Variants in NHLH2 observed in about 807,000 individuals in gnomAD.
The protein encoded by NHLH2 is nescient helix-loop-helix 2.
A neutral mutation model predicts 7.3 loss-of-function variants in NHLH2; 7 were observed. That is an observed-to-expected ratio of 0.96 (90% CI 0.55 to 1.81). NHLH2 has a LOEUF of 1.81. NHLH2 is among the 40% of genes most tolerant of loss of function. The pLI, the probability that NHLH2 is intolerant of heterozygous loss-of-function variation, is 0.00. For synonymous variants in NHLH2, 93 were observed against 91.6 expected (o/e 1.01, Z -0.09); for missense variants, 155 against 194.0 (o/e 0.80, Z 1.19).
chr1:115,833,103 G>A (rs1650789618), downstream of NHLH2, among the ~76,000 whole-genome samples: 1 of 152,162 alleles, frequency 6.6e-6, no homozygotes, highest in African/African-American at 2.4e-5. Flanking sequence ...CACGAAGGAG[G>A]ATGGCACGCT....
chr1:115,833,490 T>G (rs1570904167), downstream of NHLH2, among the ~76,000 whole-genome samples: 3 of 149,524 alleles, frequency 2.0e-5, no homozygotes, highest in Admixed American at 6.8e-5. Flanking sequence ...AGGGGGGTGG[T>G]GTGTGAGTGG....
chr1:115,840,742 G>GTTTTTTT, intron 1 of NHLH2, 198 bp from the exon 2 acceptor site: 1 of 44,628 alleles, frequency 2.2e-5, no homozygotes, highest in African/African-American at 6.3e-5. Flanking sequence ...GCTCAGAAGT[G>GTTTTTTT]ATTTTTTTTT....
chr1:115,838,898 G>C (rs568582573), intron 2 of NHLH2: 6 of 169,066 alleles, frequency 3.5e-5, no homozygotes, highest in Admixed American at 3.3e-4. Flanking sequence ...GCGCCCGAGG[G>C]CCTGGCGCTG....
At chr1:115,833,915 T>C (rs1650808643), downstream of NHLH2, among the ~76,000 whole-genome samples, 1 of 152,168 alleles carries the variant, frequency 6.6e-6, no homozygotes. Context: ...GAGAGTTGGA[T>C]AAATCACAGC....
chr1:115,836,578 C>G lies in NHLH2; in HGVS notation c.*1387G>C, dbSNP rs1650876714. 1 of 152,552 alleles carries G rather than the reference C, an allele frequency of 6.6e-6. No individual in the cohort carries two copies. The highest frequency in any genetic ancestry group is 2.1e-4 in the South Asian group (1 of 4,832). 9.4% of individuals were successfully genotyped at this position (152,552 alleles called of 1,614,324 possible). On this transcript the variant is annotated 3_prime_UTR_variant, in exon 3 of 3. Transcript: ENST00000320238. ...TTTTTTCCCTTGTCTCTAAAATACA[C>G]TCCTTGTTTTAAGAGTTTCACAGCA... is the stretch of plus-strand genomic sequence containing the variant.
chr1:115,832,209 G>A (rs1028304690), downstream of NHLH2, among the ~76,000 whole-genome samples: 8 of 152,172 alleles, frequency 5.3e-5, no homozygotes, highest in African/African-American at 1.7e-4. Flanking sequence ...TGAGTCGAGT[G>A]GGGCTTTCAG....
At chr1:115,833,756 C>T (rs35061927), downstream of NHLH2, among the ~76,000 whole-genome samples, 15,790 of 152,204 alleles carry the variant, frequency 0.1, 1,013 homozygotes, top group Admixed American at 0.21. Context: ...GCTATTATTT[C>T]GACTACTAAT....
At chr1:115,831,686 A>G (rs902538033), downstream of NHLH2, among the ~76,000 whole-genome samples, 5 of 149,832 alleles carry the variant, frequency 3.3e-5, no homozygotes, top group African/African-American at 1.2e-4. Context: ...TGAAAGGCCT[A>G]GGGGGGGGCG....
At chr1:115,832,315 T>G (rs765613436), downstream of NHLH2, among the ~76,000 whole-genome samples, 19 of 152,208 alleles carry the variant, frequency 1.2e-4, no homozygotes. Flanking sequence ...GGGGATGATT[T>G]CTGGCTGACT....
At chr1:115,838,503 G>C (rs1650951106) in intron 2 of NHLH2, 123 bp from the exon 3 acceptor site, 1 of 1,106,048 alleles carries the variant, frequency 9.0e-7, no homozygotes, top group African/African-American at 1.7e-5. Context: ...CCTCCCCACA[G>C]CAGGCCGGCG....
downstream of NHLH2, among the ~76,000 whole-genome samples, chr1:115,831,879 G>A (rs961796202): frequency 6.7e-6 from 1 of 149,484 alleles, no homozygotes; most frequent in African/African-American, 2.5e-5. Context: ...CCAAGATTGC[G>A]CCACTGCACC....
chr1:115,832,425 G>A (rs1650774945), downstream of NHLH2, among the ~76,000 whole-genome samples: 2 of 152,296 alleles, frequency 1.3e-5, no homozygotes, highest in East Asian at 1.9e-4. Context: ...CTTATCCTAT[G>A]TTAATTCCTG....
intron 2 of NHLH2, 127 bp from the exon 3 acceptor site, chr1:115,838,507 G>A: frequency 9.2e-7 from 1 of 1,082,050 alleles, no homozygotes; most frequent in South Asian, 1.5e-5. Context: ...CCCACAGCAG[G>A]CCGGCGCGCG....
chr1:115,838,274 GC>G lies in NHLH2; in HGVS notation c.98del (p.Gly33AlafsTer31). 6.2e-7 allele frequency: 1 copy of G among 1,603,250 alleles called. No homozygotes were observed. Among genetic ancestry groups the G allele is most frequent in the African/African-American group, 1.3e-5 (1 of 74,664 alleles). On this transcript the variant is annotated frameshift_variant, in exon 3 of 3. Transcript: ENST00000320238. LOFTEE classifies it high-confidence loss of function. Reference protein sequence around the residue: ...SLGGTDTKVLGSVSDLEPVEE... With the variant: ...SLGGTDTKVLXSVSDLEPVEE... ...CCACCGGCTCCAGGTCCGACACGCT[GC>G]CGAGCACCTTGGTGTCCGTGCCGCC...
downstream of NHLH2, among the ~76,000 whole-genome samples, chr1:115,835,989 T>C (rs1174050346): frequency 6.6e-6 from 1 of 152,212 alleles, no homozygotes; most frequent in Non-Finnish European, 1.5e-5. Flanking sequence ...TTCTTCTCAC[T>C]GCCATTAAAT....
At position 115,837,079 on chromosome 1, in the gene NHLH2, T is replaced by G. The variant is rs1000886481; in HGVS notation, c.*886A>C. ...ATAAATTGGCACAGAGTATCCAAAGTAAAAGTATCACCACTCTGAAAAATA... is the reference window on the plus strand; with the variant it reads ...ATAAATTGGCACAGAGTATCCAAAGGAAAAGTATCACCACTCTGAAAAATA... On this transcript the variant is annotated 3_prime_UTR_variant, in exon 3 of 3. Coordinates refer to ENST00000320238, the MANE Select transcript of NHLH2 (RefSeq NM_005599.3). 6.6e-6 allele frequency: 1 copy of G among 152,378 alleles called. No individual in the cohort carries two copies. Among genetic ancestry groups the G allele is most frequent in the Non-Finnish European group, 1.5e-5 (1 of 68,012 alleles). The allele number at this position is 152,378 out of a possible 1,614,324, so 9.4% of individuals were successfully genotyped here.
chr1:115,836,224 A>G (rs1650868460), downstream of NHLH2, among the ~76,000 whole-genome samples: 1 of 152,170 alleles, frequency 6.6e-6, no homozygotes, highest in East Asian at 1.9e-4. Context: ...TCCAAATTTG[A>G]GCATCAAATA....
At chr1:115,835,800 G>GT (rs1000535764), downstream of NHLH2, among the ~76,000 whole-genome samples, 108 of 152,098 alleles carry the variant, frequency 7.1e-4, no homozygotes, top group African/African-American at 2.6e-3. Context: ...CTAGCCACAG[G>GT]TTTTTGCAGA....
At chr1:115,839,576 G>C (rs907107971) in intron 2 of NHLH2, 3 of 166,922 alleles carry the variant, frequency 1.8e-5, no homozygotes, top group Admixed American at 6.5e-5. Flanking sequence ...CGGGTAATTC[G>C]GGCTTCGAGA....
Sources: gnomAD v4.1 joint callset for allele counts (sites outside exome capture counted in the v4.1 genomes callset) on GRCh38, gnomAD v4.1.1 for gene constraint, MANE v1.5 for transcripts, NCBI Gene and HGNC (gene_info 2026-07-23, HGNC 2026-07-21) for gene names.